The following TMPRSS15 variants were observed in gnomAD, a reference collection of about 807,000 sequenced individuals.
TMPRSS15 encodes the protein transmembrane serine protease 15.
A neutral mutation model predicts 125.3 loss-of-function variants in TMPRSS15; 128 were observed. The observed-to-expected ratio is 1.02, with a 90% CI of 0.89 to 1.18. The LOEUF (loss-of-function observed/expected upper bound fraction) is 1.18, where lower values mean the gene tolerates loss of function less well. Among genes scored for constraint, TMPRSS15 ranks in the 50% most tolerant of loss-of-function variants. TMPRSS15 has a pLI of 0.00. For synonymous variants in TMPRSS15, 446 were observed against 423.2 expected (o/e 1.05, Z -0.66); for missense variants, 1,283 against 1,212.7 (o/e 1.06, Z -0.86).
intron 21 of TMPRSS15, among the ~76,000 whole-genome samples, chr21:18,284,934 G>A (rs1014708399): frequency 7.9e-5 from 12 of 151,904 alleles, no homozygotes; most frequent in African/African-American, 2.9e-4. Flanking sequence ...CCGGGAGGCA[G>A]AGGTTCCAGG....
At chr21:18,385,631 C>G (rs1664691747) in intron 3 of TMPRSS15, among the ~76,000 whole-genome samples, 1 of 152,122 alleles carries the variant, frequency 6.6e-6, no homozygotes, top group African/African-American at 2.4e-5. Flanking sequence ...GTTGATAAGC[C>G]AAAGATAGCG....
At chr21:18,286,534 C>T (rs1240500817) in intron 21 of TMPRSS15, among the ~76,000 whole-genome samples, 2 of 152,158 alleles carry the variant, frequency 1.3e-5, no homozygotes, top group East Asian at 1.9e-4. Context: ...TAAATGATAT[C>T]AACACTCACT....
chr21:18,409,816 C>A (rs1237276398), intron 1 of TMPRSS15, among the ~76,000 whole-genome samples: 1 of 133,620 alleles, frequency 7.5e-6, no homozygotes, highest in Non-Finnish European at 1.6e-5. Flanking sequence ...CAATCTCCCC[C>A]CCTTCCCCCC....
rs1198145653 is a variant in TMPRSS15, at chr21:18,375,619, G to C, written c.533-3295C>G. ...TAACTCAGTGGGAAAAAGTGCACTT[G>C]TTTTCTGTAATCTATGTGGTATTTT... On this transcript the variant is annotated intron_variant, in intron 5 of 24. Coordinates refer to ENST00000284885, the MANE Select transcript of TMPRSS15 (RefSeq NM_002772.3). Among the ~76,000 whole-genome samples the C allele has an allele frequency of 2.6e-5, 4 of 152,076 alleles. No individual in the cohort carries two copies. The South Asian group carries it at 8.3e-4, about 31-fold the overall frequency.
rs2075596742 is a variant in TMPRSS15, at chr21:18,353,782, T to C, written c.962A>G (p.Glu321Gly). The change falls in exon 9 of 25, where the codon GAA (glutamate) becomes GGA (glycine). Residue 321 changes from glutamate to glycine, a missense_variant. Glu to Gly is a moderately conservative substitution (Grantham distance 98). Coordinates refer to ENST00000284885, the MANE Select transcript of TMPRSS15 (RefSeq NM_002772.3). ...VTATFLIESD[E>G]SDYVGFNATY... ...TGCATTAAAGCCAACATAATCACTT[T>C]CATCAGATTCTATAAGAAAGGTGGC... 5.6e-6 allele frequency: 9 copies of C among 1,611,940 alleles called. No homozygotes were observed. Among genetic ancestry groups the C allele is most frequent in the Non-Finnish European group, 7.6e-6 (9 of 1,178,514 alleles).
intron 3 of TMPRSS15, among the ~76,000 whole-genome samples, chr21:18,393,844 G>C (rs998270098): frequency 1.3e-5 from 2 of 152,130 alleles, no homozygotes; most frequent in African/African-American, 4.8e-5. Context: ...AAAACAGAGA[G>C]AGAGAAAACC....
At chr21:18,337,620 G>A (rs964695742) in intron 13 of TMPRSS15, among the ~76,000 whole-genome samples, 6 of 152,136 alleles carry the variant, frequency 3.9e-5, no homozygotes, top group Non-Finnish European at 5.9e-5. Context: ...TATGAAAGCC[G>A]AACTTACATT....
chr21:18,385,629 G>A (rs2075936862), intron 3 of TMPRSS15, among the ~76,000 whole-genome samples: 1 of 152,144 alleles, frequency 6.6e-6, no homozygotes, highest in South Asian at 2.1e-4. Context: ...TGGTTGATAA[G>A]CCAAAGATAG....
At chr21:18,297,138 T>C (rs2074916462) in intron 19 of TMPRSS15, among the ~76,000 whole-genome samples, 2 of 152,234 alleles carry the variant, frequency 1.3e-5, no homozygotes, top group South Asian at 4.1e-4. Flanking sequence ...TGACTTAATT[T>C]AGCTAAAACA....
At chr21:18,365,063 C>G in intron 7 of TMPRSS15, 77 bp downstream of exon 7, 2 of 1,203,948 alleles carry the variant, frequency 1.7e-6, no homozygotes, top group South Asian at 1.3e-5. Context: ...CTTTAAAAAA[C>G]TACTGAAAGC....
At chr21:18,394,533 G>GTC (rs199599399) in intron 3 of TMPRSS15, among the ~76,000 whole-genome samples, 14,787 of 147,222 alleles carry the variant, frequency 0.1, 768 homozygotes, top group Non-Finnish European at 0.13. Flanking sequence ...CTCTCTCTCT[G>GTC]TCTCTCTCTC....
chr21:18,311,002 A>G (rs2075096077), intron 18 of TMPRSS15, among the ~76,000 whole-genome samples: 1 of 150,054 alleles, frequency 6.7e-6, no homozygotes, highest in South Asian at 2.1e-4. Context: ...CAATCGCTTC[A>G]GTAGATGATG....
intron 24 of TMPRSS15, among the ~76,000 whole-genome samples, chr21:18,270,586 C>T (rs2074543481): frequency 2.0e-5 from 3 of 152,082 alleles, no homozygotes; most frequent in African/African-American, 4.8e-5. Flanking sequence ...GATTTTAGTT[C>T]TCTTGGGTAG....
At chr21:18,466,305 A>T (rs1601472649) in intron 1 of TMPRSS15, among the ~76,000 whole-genome samples, 1 of 152,172 alleles carries the variant, frequency 6.6e-6, no homozygotes, top group Admixed American at 6.5e-5. Context: ...AAGCCAAAAA[A>T]CCCCTAGAAG....
At position 18,352,956 on chromosome 21, in the gene TMPRSS15, G is replaced by T. The variant is rs763010015; in HGVS notation, c.1118C>A (p.Thr373Asn). Residue 373 changes from threonine to asparagine, a missense_variant, in exon 10 of 25, where the codon ACC becomes AAC. Transcript: ENST00000284885. ...DNEWERIQGS[T>N]FSPFTGPNFD... ...ATTGGGTCCAGTAAAAGGAGAAAAGGTGCTTCCCTGAATCCTTTCCCATTC... is the reference window on the plus strand; with the variant it reads ...ATTGGGTCCAGTAAAAGGAGAAAAGTTGCTTCCCTGAATCCTTTCCCATTC... The T allele has an allele frequency of 7.4e-6, 12 of 1,612,208 alleles. No homozygotes were observed. The highest frequency in any genetic ancestry group is 1.7e-4 in the Middle Eastern group (1 of 5,978).
intron 1 of TMPRSS15, among the ~76,000 whole-genome samples, chr21:18,424,926 GAAT>G (rs1009707583): frequency 1.4e-5 from 2 of 148,118 alleles, no homozygotes; most frequent in African/African-American, 4.9e-5. Flanking sequence ...TATTATATAT[GAAT>G]ATTATATATT....
upstream of TMPRSS15, among the ~76,000 whole-genome samples, chr21:18,406,639 T>C (rs1002413918): frequency 1.3e-5 from 2 of 152,148 alleles, no homozygotes; most frequent in South Asian, 2.1e-4. Flanking sequence ...CTTAGACATA[T>C]AAGCAAAAAT....
At chr21:18,470,052 G>GT (rs1411167287) in intron 1 of TMPRSS15, among the ~76,000 whole-genome samples, 1 of 151,952 alleles carries the variant, frequency 6.6e-6, no homozygotes, top group Non-Finnish European at 1.5e-5. Flanking sequence ...AGATAGCCTA[G>GT]TTTTTTTGGT....
At chr21:18,282,460 A>G (rs2146874890) in intron 21 of TMPRSS15, among the ~76,000 whole-genome samples, 1 of 152,310 alleles carries the variant, frequency 6.6e-6, no homozygotes, top group South Asian at 2.1e-4. Flanking sequence ...TGGTATTTAA[A>G]TATTAAAGTC....
Sources: allele counts gnomAD v4.1 joint callset (sites outside exome capture counted in the v4.1 genomes callset), GRCh38; gene constraint gnomAD v4.1.1; transcripts MANE v1.5; gene names NCBI Gene and HGNC (gene_info 2026-07-23, HGNC 2026-07-21).